The following CBX7 variants were observed in gnomAD, a reference collection of about 807,000 sequenced individuals.
CBX7 encodes chromobox protein homolog 7.
Under a neutral mutation model 31.4 loss-of-function variants are expected in CBX7, and 14 were observed. The ratio of observed to expected loss-of-function variants is 0.45; its 90% CI spans 0.29 to 0.70. CBX7 has a LOEUF of 0.70. Ranked by LOEUF, CBX7 falls within the 30% of genes least tolerant of loss-of-function variation. The pLI is 0.11. For missense variants in CBX7, 269 were observed against 351.9 expected (o/e 0.76, Z 1.89); for synonymous variants, 159 against 152.6 (o/e 1.04, Z -0.31).
In CBX7 at chr22:39,132,162, G is replaced by C. The variant is rs1296035665; in HGVS notation, c.*1729C>G. 1 of 152,344 alleles carries C rather than the reference G, an allele frequency of 6.6e-6. No individual in the cohort carries two copies. The highest frequency in any genetic ancestry group is 1.5e-5 in the Non-Finnish European group (1 of 68,132). 9.4% of individuals were successfully genotyped at this position (152,344 alleles called of 1,614,324 possible). ...GAAGGAAAGAGAGACTCAGGGATCT[G>C]GGAAGCCTGTCAACAGAGCACCCCA... On this transcript the variant is annotated 3_prime_UTR_variant, in exon 6 of 6. Coordinates refer to ENST00000216133, the MANE Select transcript of CBX7 (RefSeq NM_175709.5).
chr22:39,145,707 C>A (rs1930630004), intron 2 of CBX7, among the ~76,000 whole-genome samples: 1 of 147,918 alleles, frequency 6.8e-6, no homozygotes, highest in Admixed American at 6.6e-5. Context: ...GCCGGGATTA[C>A]CGGCAAACCG....
At position 39,142,043 on chromosome 22, in the gene CBX7, A is replaced by G. The variant is rs150790136; in HGVS notation, c.114-607T>C. 5.8e-3 allele frequency among the ~76,000 whole-genome samples: 884 copies of G among 152,268 alleles called. 4 individuals carry two copies. The highest frequency in any genetic ancestry group is 0.011 in the African/African-American group (438 of 41,546). The stretch of plus-strand genomic sequence containing the variant: ...AGAGGGCGCCTGTAAGCCCCACACC[A>G]GGCAAGAGAGGATGAAAAGGAGCCA... On this transcript the variant is annotated intron_variant, in intron 2 of 5. Transcript: ENST00000216133.
intron 2 of CBX7, among the ~76,000 whole-genome samples, chr22:39,144,462 AT>A (rs1243809231): frequency 6.6e-6 from 1 of 152,076 alleles, no homozygotes; most frequent in Non-Finnish European, 1.5e-5. Flanking sequence ...ATAATCACTA[AT>A]GGACCAGGAA....
chr22:39,139,391 C>T (rs1469363126), intron 3 of CBX7, among the ~76,000 whole-genome samples: 7 of 152,016 alleles, frequency 4.6e-5, no homozygotes, highest in Non-Finnish European at 1.0e-4. Flanking sequence ...TTGAGACCAG[C>T]CTGGGTGACA....
chr22:39,134,237 A>G (rs1190623727), intron 5 of CBX7, 164 bp downstream of exon 5: 2 of 850,920 alleles, frequency 2.4e-6, no homozygotes, highest in African/African-American at 3.4e-5. Context: ...GCTCAGCCAG[A>G]GCGGGACGAC....
At chr22:39,149,119 C>T (rs998956874) in intron 2 of CBX7, 1 of 152,332 alleles carries the variant, frequency 6.6e-6, no homozygotes, top group Non-Finnish European at 1.5e-5. Flanking sequence ...GCTGGGAGGT[C>T]TCAGATACAG....
chr22:39,133,837 A>T lies in CBX7; in HGVS notation c.*54T>A. The T allele has an allele frequency of 6.9e-7, 1 of 1,452,874 alleles. No homozygotes were observed. The highest frequency in any genetic ancestry group is 9.3e-7 in the Non-Finnish European group (1 of 1,075,396). 90.0% of individuals were successfully genotyped at this position (1,452,874 alleles called of 1,614,324 possible). A position where few individuals can be genotyped will look rare whatever the true frequency, so the allele number is the denominator to read the frequency against. On this transcript the variant is annotated 3_prime_UTR_variant, in exon 6 of 6. Transcript: ENST00000216133. ...GCCCCCAACCCATCCCTATCTCTGG[A>T]AGTCCCACCCCAAGCCCAAAAGAAA...
At chr22:39,135,526 G>T (rs544673375) in intron 4 of CBX7, 1 of 142,462 alleles carries the variant, frequency 7.0e-6, no homozygotes, top group East Asian at 2.3e-4. Flanking sequence ...TGCTACCAGA[G>T]GTCAGGAGCT....
intron 3 of CBX7, among the ~76,000 whole-genome samples, chr22:39,139,189 G>A (rs1283207588): frequency 2.0e-5 from 3 of 152,210 alleles, no homozygotes; most frequent in Admixed American, 6.5e-5. Context: ...CTGGGAGAGC[G>A]GACCGGCTCC....
chr22:39,151,836 T>A (rs1332872987), intron 1 of CBX7, among the ~76,000 whole-genome samples: 2 of 53,538 alleles, frequency 3.7e-5, no homozygotes, highest in Non-Finnish European at 6.8e-5. Flanking sequence ...TGGCCTGGGC[T>A]AGGAGTTGAG....
rs1930039471 is a variant in CBX7, at chr22:39,131,539, G to A, written c.*2352C>T. 6.6e-6 allele frequency: 1 copy of A among 152,512 alleles called. No individual in the cohort carries two copies. The highest frequency in any genetic ancestry group is 2.4e-5 in the African/African-American group (1 of 41,444). 9.4% of individuals were successfully genotyped at this position (152,512 alleles called of 1,614,324 possible). On this transcript the variant is annotated 3_prime_UTR_variant, in exon 6 of 6. Transcript: ENST00000216133. ...GGAGCTGGCTCACTACAGCCCATGAGCCACCTGGCTGCCCTGAGCTGGGCA... is the reference window on the plus strand; with the variant it reads ...GGAGCTGGCTCACTACAGCCCATGAACCACCTGGCTGCCCTGAGCTGGGCA...
At position 39,150,846 on chromosome 22, in the gene CBX7, T is replaced by C. The variant is rs370524787; in HGVS notation, c.70-1014A>G. 1.1e-4 allele frequency among the ~76,000 whole-genome samples: 17 copies of C among 152,314 alleles called. No individual in the cohort carries two copies. In the East Asian group the frequency reaches 2.9e-3, roughly 26 times the overall value. On this transcript the variant is annotated intron_variant, in intron 1 of 5. Coordinates refer to ENST00000216133, the MANE Select transcript of CBX7 (RefSeq NM_175709.5). ...ACGCCAGAACTTTAAGACCAAAATA[T>C]GATACCTCCTCACAGAGGCTTTCCC...
chr22:39,141,619 C>G (rs1311921376), intron 2 of CBX7, among the ~76,000 whole-genome samples, 183 bp from the exon 3 acceptor site: 1 of 152,004 alleles, frequency 6.6e-6, no homozygotes, highest in Non-Finnish European at 1.5e-5. Flanking sequence ...CGTGGTGGTG[C>G]ATGCCTGTAA....
rs1476521033 is a variant in CBX7, at chr22:39,130,901, T to C, written c.*2990A>G. The C allele has an allele frequency of 6.6e-6, 1 of 152,660 alleles. No homozygotes were observed. The highest frequency in any genetic ancestry group is 1.9e-4 in the East Asian group (1 of 5,186). 9.5% of individuals were successfully genotyped at this position (152,660 alleles called of 1,614,324 possible). ...TGTCAGTACAAAAATAAAACCGCGC[T>C]CTACATCCACTCTGACTCTCCCAGC... On this transcript the variant is annotated 3_prime_UTR_variant, in exon 6 of 6. Transcript: ENST00000216133.
chr22:39,142,234 A>G (rs747237020), intron 2 of CBX7, among the ~76,000 whole-genome samples: 1 of 152,156 alleles, frequency 6.6e-6, no homozygotes, highest in African/African-American at 2.4e-5. Flanking sequence ...AGGGTGTTAC[A>G]AGAGTAACAG....
At chr22:39,138,437 C>T (rs947796692) in intron 4 of CBX7, among the ~76,000 whole-genome samples, 199 bp downstream of exon 4, 6 of 152,188 alleles carry the variant, frequency 3.9e-5, no homozygotes, top group South Asian at 2.1e-4. Flanking sequence ...CTGTCTTCCC[C>T]GGGCACCAGC....
chr22:39,142,677 G>A (rs922627869), intron 2 of CBX7, among the ~76,000 whole-genome samples: 1 of 152,210 alleles, frequency 6.6e-6, no homozygotes, highest in African/African-American at 2.4e-5. Flanking sequence ...TATTTTAAAA[G>A]CAAACTATGA....
rs200705793 is a variant in CBX7 at position 39,133,907 on chromosome 22, C to T, written c.740G>A (p.Arg247His). The change falls in exon 6 of 6, where the codon CGC (arginine) becomes CAC (histidine). Residue 247 changes from arginine to histidine, a missense_variant. Around this residue, in one of 2 missense-constraint regions of CBX7, gnomAD observed 222 missense variants for 240.4 expected, o/e 0.92. Coordinates refer to ENST00000216133, the MANE Select transcript of CBX7 (RefSeq NM_175709.5). Reference sequence around the variant, plus strand: ...AACGGTGATTCAGAACTTCCCACTGCGGTCTCGGAAGAAGCCCTCAGCTGC... The same window carrying T: ...AACGGTGATTCAGAACTTCCCACTGTGGTCTCGGAAGAAGCCCTCAGCTGC... ...AQAAEGFFRDRSGKF is the reference protein window; with the variant it reads ...AQAAEGFFRDHSGKF 7.5e-6 allele frequency: 12 copies of T among 1,610,472 alleles called. No homozygotes were observed. Among genetic ancestry groups the T allele is most frequent in the African/African-American group, 4.0e-5 (3 of 74,732 alleles).
In CBX7 at chr22:39,152,271, GC is replaced by G; in HGVS notation, c.69+104del. The stretch of plus-strand genomic sequence containing the variant: ...GGCCCAGCAGCGCAGGGCTGCCGGG[GC>G]CCCCGCGCCCCGCTTTCCCCTTCAG... On this transcript the variant is annotated intron_variant, in intron 1 of 5. Transcript: ENST00000216133. This position sits in a 1 kb window ranked among gnomAD's most constrained non-coding sequence, Gnocchi z 4.9. The G allele has an allele frequency of 2.0e-5, 13 of 634,304 alleles. No homozygotes were observed. Among genetic ancestry groups the G allele is most frequent in the South Asian group, 9.4e-5 (2 of 21,170 alleles). 39.3% of individuals were successfully genotyped at this position (634,304 alleles called of 1,614,324 possible). A position where few individuals can be genotyped will look rare whatever the true frequency, so the allele number is the denominator to read the frequency against.
Sources: allele counts gnomAD v4.1 joint callset (sites outside exome capture counted in the v4.1 genomes callset), GRCh38; gene constraint gnomAD v4.1.1; regional missense constraint gnomAD v4.1.1; non-coding constraint Gnocchi (gnomAD v3.1); transcripts MANE v1.5; gene names NCBI Gene and HGNC (gene_info 2026-07-23, HGNC 2026-07-21).